Variants in TECR observed in about 807,000 individuals in gnomAD.
The protein encoded by TECR is trans-2,3-enoyl-CoA reductase.
Under a neutral mutation model 50.6 loss-of-function variants are expected in TECR, and 19 were observed. The observed-to-expected ratio is 0.38, with a 90% CI of 0.26 to 0.55. TECR has a LOEUF of 0.55. TECR is among the 20% of genes least tolerant of loss of function. The pLI is 0.79. For synonymous variants in TECR, 168 were observed against 163.5 expected (o/e 1.03, Z -0.21); for missense variants, 313 against 408.3 (o/e 0.77, Z 2.01).
In TECR at chr19:14,529,594, GT is replaced by G. The variant is rs745798123; in HGVS notation, c.-100del. The G allele has an allele frequency of 6.3e-7, 1 of 1,578,558 alleles. No individual in the cohort carries two copies. Among genetic ancestry groups the G allele is most frequent in the Non-Finnish European group, 8.7e-7 (1 of 1,149,248 alleles). The stretch of plus-strand genomic sequence containing the variant: ...AGGGGCGGGGCGGACGCAGAGCCGC[GT>G]TTAGTCTATCGCTGCGGTTGCGAGC... On this transcript the variant is annotated 5_prime_UTR_variant, in exon 1 of 13. Coordinates refer to ENST00000215567, the MANE Select transcript of TECR (RefSeq NM_138501.6).
chr19:14,561,633 A>G (rs1315102091), intron 1 of TECR, among the ~76,000 whole-genome samples: 4 of 152,040 alleles, frequency 2.6e-5, no homozygotes, highest in Admixed American at 2.6e-4. Flanking sequence ...AGGTGGCTAT[A>G]AGGTGAGAAG....
At chr19:14,553,008 G>C (rs1263074458) in intron 1 of TECR, among the ~76,000 whole-genome samples, 2 of 152,066 alleles carry the variant, frequency 1.3e-5, no homozygotes, top group African/African-American at 2.4e-5. Context: ...GCAGGGATGG[G>C]TGTAGGCTGT....
intron 1 of TECR, among the ~76,000 whole-genome samples, chr19:14,537,695 T>C (rs904586653): frequency 2.5e-4 from 38 of 152,162 alleles, no homozygotes; most frequent in African/African-American, 7.7e-4. Flanking sequence ...AGCCAGAATA[T>C]AGTAATCTTC....
intron 1 of TECR, among the ~76,000 whole-genome samples, chr19:14,557,361 G>A (rs911830379): frequency 9.3e-5 from 14 of 150,926 alleles, no homozygotes; most frequent in Non-Finnish European, 2.1e-4. Flanking sequence ...GGCTGGTCTC[G>A]AACTCCTGGC....
chr19:14,558,079 T>C (rs1382998017), intron 1 of TECR, among the ~76,000 whole-genome samples: 1 of 152,144 alleles, frequency 6.6e-6, no homozygotes, highest in East Asian at 1.9e-4. Context: ...ATAAGATTTA[T>C]CCTAAACTGG....
intron 1 of TECR, among the ~76,000 whole-genome samples, chr19:14,549,347 G>A (rs1001683581): frequency 4.0e-5 from 6 of 151,744 alleles, no homozygotes; most frequent in African/African-American, 1.5e-4. Flanking sequence ...CAAGGAGCTG[G>A]GACTACAGGC....
At chr19:14,540,105 G>C (rs1467031229) in intron 1 of TECR, among the ~76,000 whole-genome samples, 3 of 151,416 alleles carry the variant, frequency 2.0e-5, no homozygotes, top group African/African-American at 7.3e-5. Flanking sequence ...TGTCGCCCAG[G>C]CTGGAGTGCA....
At chr19:14,540,347 C>T (rs1242717409) in intron 1 of TECR, among the ~76,000 whole-genome samples, 3 of 151,872 alleles carry the variant, frequency 2.0e-5, no homozygotes, top group East Asian at 1.9e-4. Flanking sequence ...GGATTACAGG[C>T]GTGAGCCACT....
Position 14,565,822 on chromosome 19 carries a change from TC to T in TECR, c.880del (p.Arg294GlyfsTer45), listed in dbSNP as rs750158831. The stretch of plus-strand genomic sequence containing the variant: ...AAGCACCGCAGCTACCTGAAGGAGT[TC>T]CGGGACTACCCGCCCCTGCGCATGC... ...KGKHRSYLKE[F>X]RDYPPLRMPI... On this transcript the variant is annotated frameshift_variant, in exon 13 of 13. Coordinates refer to ENST00000215567, the MANE Select transcript of TECR (RefSeq NM_138501.6). LOFTEE classifies it high-confidence loss of function. 1.2e-6 allele frequency: 2 copies of T among 1,600,286 alleles called. No individual in the cohort carries two copies. Among genetic ancestry groups the T allele is most frequent in the Non-Finnish European group, 1.7e-6 (2 of 1,174,688 alleles).
At chr19:14,549,211 C>CTATT (rs2073405931) in intron 1 of TECR, among the ~76,000 whole-genome samples, 1 of 111,162 alleles carries the variant, frequency 9.0e-6, no homozygotes, top group Admixed American at 1.0e-4. Flanking sequence ...TTTAATTGGA[C>CTATT]TTTTTTTTTT....
rs543685754 is a variant in TECR, at chr19:14,535,493, C to T, written c.15+5782C>T. ...CTGCACTCCAGCCTGGGCGACAGAG[C>T]GAGACTCCGTCTCAAAAAAAAAAAA... On this transcript the variant is annotated intron_variant, in intron 1 of 12. Coordinates refer to ENST00000215567, the MANE Select transcript of TECR (RefSeq NM_138501.6). Among the ~76,000 whole-genome samples the T allele has an allele frequency of 4.7e-3, 440 of 93,684 alleles. 3 individuals are homozygous for T. The highest frequency in any genetic ancestry group is 7.3e-3 in the South Asian group (18 of 2,468). The allele number at this position is 93,684 out of a possible 152,430, so 61.5% of individuals were successfully genotyped here.
rs778162200 is a variant in TECR at position 14,565,599 on chromosome 19, T to A, written c.754-19T>A. 4.5e-5 allele frequency: 72 copies of A among 1,607,820 alleles called. No individual in the cohort carries two copies. The highest frequency in any genetic ancestry group is 5.4e-5 in the Non-Finnish European group (64 of 1,178,656). On this transcript the variant is annotated intron_variant, in intron 11 of 12. Transcript: ENST00000215567. ...GGGTTGCGAGGCTGCCCACGCTCAC[T>A]CTCCGCCCCTGCCCACAGGTGGGGT... is the stretch of plus-strand genomic sequence containing the variant.
chr19:14,551,434 C>T (rs550325552), intron 1 of TECR, among the ~76,000 whole-genome samples: 4 of 152,194 alleles, frequency 2.6e-5, no homozygotes, highest in African/African-American at 9.6e-5. Context: ...GCAGGAATTC[C>T]CTAATTCCTA....
intron 7 of TECR, 142 bp downstream of exon 7, chr19:14,564,429 C>T (rs2074001898): frequency 2.7e-6 from 2 of 732,796 alleles, no homozygotes; most frequent in Non-Finnish European, 4.6e-6. Context: ...GCCTAACCTC[C>T]CCAGCCCCGC....
chr19:14,543,402 T>G (rs2073170905), intron 1 of TECR, among the ~76,000 whole-genome samples: 1 of 9,044 alleles, frequency 1.1e-4, no homozygotes, highest in Non-Finnish European at 3.0e-4. Context: ...TATATATATA[T>G]ATATATATAT....
rs768794548 is a variant in TECR, at chr19:14,563,763, C to T, written c.164-37C>T. On this transcript the variant is annotated intron_variant, in intron 4 of 12. Transcript: ENST00000215567. This position sits in a 1 kb window ranked among gnomAD's most constrained non-coding sequence, Gnocchi z 5.3. ...CTCCTGGGTGGCAGTGGGAGAAGGC[C>T]CGGGTAGCCCCTGAGCCCTGGCCCG... The T allele has an allele frequency of 3.1e-6, 5 of 1,612,334 alleles. No individual in the cohort carries two copies. Among genetic ancestry groups the T allele is most frequent in the Non-Finnish European group, 8.5e-7 (1 of 1,179,644 alleles).
chr19:14,549,962 AT>A (rs1353008292), intron 1 of TECR, among the ~76,000 whole-genome samples: 2 of 151,948 alleles, frequency 1.3e-5, no homozygotes, highest in African/African-American at 2.4e-5. Flanking sequence ...AATAAAAAAA[AT>A]AAACTATACA....
At chr19:14,528,093 A>G (rs1047545203), upstream of TECR, among the ~76,000 whole-genome samples, 1 of 151,842 alleles carries the variant, frequency 6.6e-6, no homozygotes, top group Non-Finnish European at 1.5e-5. Flanking sequence ...CACGTTGTCC[A>G]GGCTGGTCTT....
intron 1 of TECR, among the ~76,000 whole-genome samples, chr19:14,550,736 A>G (rs916834866): frequency 2.6e-5 from 4 of 152,102 alleles, no homozygotes; most frequent in Admixed American, 6.5e-5. Context: ...GCAGCAGTAT[A>G]GTGGCGTGAT....
Sources: gnomAD v4.1 joint callset for allele counts (sites outside exome capture counted in the v4.1 genomes callset) on GRCh38, gnomAD v4.1.1 for gene constraint, Gnocchi (gnomAD v3.1) non-coding constraint, MANE v1.5 for transcripts, NCBI Gene and HGNC (gene_info 2026-07-23, HGNC 2026-07-21) for gene names.